The following RELN variants were observed in gnomAD, a reference collection of about 807,000 sequenced individuals.
RELN encodes the protein reelin.
In RELN, 108 loss-of-function variants were observed where a neutral mutation model predicts 427.6. The observed-to-expected ratio is 0.25, with a 90% CI of 0.22 to 0.30. The LOEUF (loss-of-function observed/expected upper bound fraction) is 0.30, where lower values mean the gene tolerates loss of function less well. Among genes scored for constraint, RELN ranks in the 10% least tolerant of loss-of-function variants. The pLI, the probability that RELN is intolerant of heterozygous loss-of-function variation, is 1.00. For missense variants in RELN, 3,715 were observed against 4,302.8 expected, an observed-to-expected ratio of 0.86 and a Z score of 3.82; for synonymous variants, 1,524 against 1,513.4, an observed-to-expected ratio of 1.01 and a Z score of -0.16.
chr7:103,834,307 T>A (rs1307535619), intron 2 of RELN, among the ~76,000 whole-genome samples: 2 of 152,194 alleles, frequency 1.3e-5, no homozygotes, highest in Non-Finnish European at 2.9e-5. Context: ...CAGTCCTATT[T>A]GCATGGATGG....
intron 1 of RELN, among the ~76,000 whole-genome samples, chr7:103,985,167 G>A (rs1352557419): frequency 1.3e-5 from 2 of 151,904 alleles, no homozygotes; most frequent in Admixed American, 6.6e-5. Flanking sequence ...TTTTAAAGTG[G>A]GAGTAGATAT....
intron 1 of RELN, among the ~76,000 whole-genome samples, chr7:103,925,684 A>G (rs964449272): frequency 6.6e-6 from 1 of 152,214 alleles, no homozygotes; most frequent in Non-Finnish European, 1.5e-5. Flanking sequence ...ATATCTTTGT[A>G]AAATTTAAGC....
At chr7:103,675,095 T>C (rs1833486404) in intron 11 of RELN, among the ~76,000 whole-genome samples, 1 of 152,174 alleles carries the variant, frequency 6.6e-6, no homozygotes, top group African/African-American at 2.4e-5. Context: ...TGAAGTCAAA[T>C]TGTCTCTGTT....
At chr7:103,644,031 G>C (rs1313391066) in intron 16 of RELN, among the ~76,000 whole-genome samples, 2 of 151,840 alleles carry the variant, frequency 1.3e-5, no homozygotes, top group Non-Finnish European at 2.9e-5. Context: ...CTCATAGAGA[G>C]TCTTTGCCAC....
intron 1 of RELN, among the ~76,000 whole-genome samples, chr7:103,984,166 A>AG (rs2116849043): frequency 6.6e-6 from 1 of 152,020 alleles, no homozygotes; most frequent in African/African-American, 2.4e-5. Flanking sequence ...AAAAAAAAAA[A>AG]AATCAAAGAC....
intron 3 of RELN, among the ~76,000 whole-genome samples, chr7:103,783,829 T>C (rs1175923324): frequency 2.0e-5 from 3 of 152,222 alleles, no homozygotes; most frequent in Admixed American, 6.5e-5. Flanking sequence ...TGACAGTATT[T>C]GTTCATCCAT....
chr7:103,844,172 T>G (rs966547709), intron 2 of RELN, among the ~76,000 whole-genome samples: 2 of 152,180 alleles, frequency 1.3e-5, no homozygotes, highest in Non-Finnish European at 2.9e-5. Flanking sequence ...ATCCAAGCCA[T>G]GTAGGAGACT....
chr7:103,747,093 A>G (rs928622827), intron 6 of RELN, among the ~76,000 whole-genome samples: 14 of 152,206 alleles, frequency 9.2e-5, no homozygotes, highest in African/African-American at 3.4e-4. Flanking sequence ...ACAAAAAATG[A>G]TGAGTTCATG....
At chr7:103,880,781 T>A (rs1451045678) in intron 2 of RELN, among the ~76,000 whole-genome samples, 1 of 152,076 alleles carries the variant, frequency 6.6e-6, no homozygotes, top group African/African-American at 2.4e-5. Context: ...CAGCCTCAAC[T>A]TTCTGGGCTC....
At chr7:103,909,497 C>G (rs1177915613) in intron 2 of RELN, among the ~76,000 whole-genome samples, 1 of 148,420 alleles carries the variant, frequency 6.7e-6, no homozygotes, top group Non-Finnish European at 1.5e-5. Flanking sequence ...AAATAATTCA[C>G]TCGGGAGGCT....
intron 1 of RELN, among the ~76,000 whole-genome samples, chr7:103,975,199 C>T (rs1796845490): frequency 6.6e-6 from 1 of 152,202 alleles, no homozygotes; most frequent in African/African-American, 2.4e-5. Context: ...ATTATCTTGG[C>T]ACTGCCACTT....
chr7:103,619,466 T>C (rs1584349998), intron 20 of RELN, among the ~76,000 whole-genome samples: 1 of 152,346 alleles, frequency 6.6e-6, no homozygotes, highest in Admixed American at 6.5e-5. Context: ...ACTAGGCCAA[T>C]TTACCCAACA....
At chr7:103,924,991 T>TACACACACACAC (rs57662220) in intron 1 of RELN, among the ~76,000 whole-genome samples, 30 of 49,078 alleles carry the variant, frequency 6.1e-4, no homozygotes, top group South Asian at 3.8e-3. Context: ...CGCATACACA[T>TACACACACACAC]ACACACACAC....
intron 20 of RELN, among the ~76,000 whole-genome samples, chr7:103,619,225 T>C (rs568512953): frequency 5.9e-5 from 9 of 152,226 alleles, no homozygotes; most frequent in African/African-American, 2.2e-4. Context: ...TCATGGGAGA[T>C]AGAATTGGGG....
At chr7:103,634,954 G>A (rs1265195661) in intron 19 of RELN, among the ~76,000 whole-genome samples, 1 of 151,902 alleles carries the variant, frequency 6.6e-6, no homozygotes, top group East Asian at 1.9e-4. Context: ...TGCCTGCCGG[G>A]TTCAAGCAAT....
In RELN at chr7:103,956,126, C is replaced by T. The variant is rs986678115; in HGVS notation, c.226+33005G>A. Among the ~76,000 whole-genome samples, 11 of 152,114 alleles carry T rather than the reference C, an allele frequency of 7.2e-5. No homozygotes were observed. In the East Asian group the frequency reaches 1.9e-3, roughly 27 times the overall value. ...TATCAGGGTTTTCCCACGTTAGTTC[C>T]CCTCCTAGCTACTGCTTTATCTACA... On this transcript the variant is annotated intron_variant, in intron 1 of 64. Transcript: ENST00000428762.
rs2116595571 is a variant in RELN, at chr7:103,892,630, A to C, written c.337+24445T>G. Among the ~76,000 whole-genome samples the C allele has an allele frequency of 1.3e-5, 2 of 152,332 alleles. 1 individual carries two copies. Among genetic ancestry groups the C allele is most frequent in the South Asian group, 4.1e-4 (2 of 4,822 alleles). ...TTTAGAGATTTTATATAGAGCTAACACATTTGTAGTATTTTATAATCAGGA... is the reference window on the plus strand; with the variant it reads ...TTTAGAGATTTTATATAGAGCTAACCCATTTGTAGTATTTTATAATCAGGA... On this transcript the variant is annotated intron_variant, in intron 2 of 64. Transcript: ENST00000428762.
chr7:103,709,483 C>A (rs1789736903), intron 8 of RELN, among the ~76,000 whole-genome samples: 1 of 152,178 alleles, frequency 6.6e-6, no homozygotes, highest in Non-Finnish European at 1.5e-5. Context: ...TCCTGCTTAA[C>A]TCATGGTTCA....
chr7:103,620,575 A>G lies in RELN; in HGVS notation c.2703-8772T>C, dbSNP rs112953844. 0.04 allele frequency among the ~76,000 whole-genome samples: 6,112 copies of G among 151,538 alleles called. 167 individuals carry two copies. Among genetic ancestry groups the G allele is most frequent in the East Asian group, 0.14 (745 of 5,144 alleles). On this transcript the variant is annotated intron_variant, in intron 20 of 64. Transcript: ENST00000428762. This position sits in a 1 kb window ranked among gnomAD's most constrained non-coding sequence, Gnocchi z 4.1. ...TGCAGCCTCTGCCTCCTGGGTTCAA[A>G]CGATTCTCCTGCCTCAGCCTCCCAA...
Sources: gnomAD v4.1 joint callset for allele counts (sites outside exome capture counted in the v4.1 genomes callset) on GRCh38, gnomAD v4.1.1 for gene constraint, Gnocchi (gnomAD v3.1) non-coding constraint, MANE v1.5 for transcripts, NCBI Gene and HGNC (gene_info 2026-07-23, HGNC 2026-07-21) for gene names.